Variants in NXPE2 observed in about 807,000 individuals in gnomAD.
NXPE2 encodes the protein NXPE family member 2.
Under a neutral mutation model 34.4 loss-of-function variants are expected in NXPE2, and 34 were observed. The observed-to-expected ratio is 0.99, with a 90% CI of 0.75 to 1.31. NXPE2 has a LOEUF of 1.31. Among genes scored for constraint, NXPE2 ranks in the 40% most tolerant of loss-of-function variants. The pLI, the probability that NXPE2 is intolerant of heterozygous loss-of-function variation, is 0.00. For synonymous variants in NXPE2, 235 were observed against 231.3 expected, an observed-to-expected ratio of 1.02 and a Z score of -0.15; for missense variants, 649 against 672.5, an observed-to-expected ratio of 0.97 and a Z score of 0.39.
At chr11:114,694,729 A>C (rs939836412) in intron 2 of NXPE2, among the ~76,000 whole-genome samples, 3 of 152,062 alleles carry the variant, frequency 2.0e-5, no homozygotes, top group African/African-American at 7.2e-5. Context: ...TCATGAGTTC[A>C]TCAAAGGTGT....
chr11:114,715,662 G>A, the NXPE2 span, among the ~76,000 whole-genome samples: 1 of 152,114 alleles, frequency 6.6e-6, no homozygotes, highest in African/African-American at 2.4e-5. Context: ...CCATTTTTAA[G>A]AAAGCAATTT....
At chr11:114,775,770 G>C in the NXPE2 span, among the ~76,000 whole-genome samples, 6 of 152,106 alleles carry the variant, frequency 3.9e-5, no homozygotes, top group East Asian at 1.9e-4. Context: ...CTTCTGGCCA[G>C]GGCTTTTGCA....
the NXPE2 span, among the ~76,000 whole-genome samples, chr11:114,594,084 T>C: frequency 6.6e-6 from 1 of 152,006 alleles, no homozygotes; most frequent in Non-Finnish European, 1.5e-5. Context: ...AAAATATGAT[T>C]AGACAGAATG....
At chr11:114,716,008 T>C in the NXPE2 span, among the ~76,000 whole-genome samples, 1 of 152,238 alleles carries the variant, frequency 6.6e-6, no homozygotes, top group Non-Finnish European at 1.5e-5. Context: ...GTAATTATAA[T>C]ACATCTCTGT....
At chr11:114,550,999 G>A in the NXPE2 span, 1 of 640,806 alleles carries the variant, frequency 1.6e-6, no homozygotes, top group Non-Finnish European at 2.8e-6. Context: ...CAGTAGTTGA[G>A]GTGGGGGAGG....
chr11:114,758,436 A>C, the NXPE2 span, among the ~76,000 whole-genome samples: 1 of 152,204 alleles, frequency 6.6e-6, no homozygotes, highest in African/African-American at 2.4e-5. Flanking sequence ...TCTCGAGCAA[A>C]AAGCAGGATA....
At chr11:114,472,887 TG>T in the NXPE2 span, among the ~76,000 whole-genome samples, 2 of 151,982 alleles carry the variant, frequency 1.3e-5, no homozygotes, top group Non-Finnish European at 2.9e-5. Flanking sequence ...GAAATGAAGG[TG>T]GGGGGGTTGT....
At chr11:114,782,998 C>T in the NXPE2 span, among the ~76,000 whole-genome samples, 82 of 152,306 alleles carry the variant, frequency 5.4e-4, no homozygotes, top group South Asian at 7.7e-3. Flanking sequence ...TTGTTAAAAA[C>T]GCATAACTCG....
chr11:114,726,197 T>C, the NXPE2 span, among the ~76,000 whole-genome samples: 1 of 151,928 alleles, frequency 6.6e-6, no homozygotes, highest in African/African-American at 2.4e-5. Context: ...TTCTGTTTTC[T>C]GGCCTCCATT....
the NXPE2 span, among the ~76,000 whole-genome samples, chr11:114,792,154 C>G: frequency 6.6e-6 from 1 of 152,142 alleles, no homozygotes; most frequent in African/African-American, 2.4e-5. Flanking sequence ...GTTCCATGGG[C>G]CCCCTCCCCA....
the NXPE2 span, among the ~76,000 whole-genome samples, chr11:114,790,782 G>A: frequency 3.3e-5 from 5 of 152,154 alleles, no homozygotes; most frequent in Admixed American, 3.3e-4. Flanking sequence ...CATTGGGGTT[G>A]ATTTATGAAA....
downstream of NXPE2, among the ~76,000 whole-genome samples, chr11:114,708,801 T>G (rs565109890): frequency 4.3e-4 from 66 of 152,184 alleles, no homozygotes; most frequent in South Asian, 1.0e-3. Context: ...GAAAGTAAAT[T>G]TAATTATTCT....
chr11:114,614,582 C>T, the NXPE2 span, among the ~76,000 whole-genome samples: 2 of 148,700 alleles, frequency 1.3e-5, no homozygotes, highest in East Asian at 2.1e-4. Flanking sequence ...TACTGTTACC[C>T]GGTGGATAGT....
chr11:114,496,519 A>T, the NXPE2 span, among the ~76,000 whole-genome samples: 1 of 152,248 alleles, frequency 6.6e-6, no homozygotes, highest in African/African-American at 2.4e-5. Context: ...TTGTATGGAT[A>T]GTTGTTCAAT....
the NXPE2 span, among the ~76,000 whole-genome samples, chr11:114,590,631 A>G: frequency 6.6e-6 from 1 of 152,198 alleles, no homozygotes; most frequent in East Asian, 1.9e-4. Context: ...TTCAATCTTT[A>G]TGTATCAGAA....
At chr11:114,646,007 T>C in the NXPE2 span, among the ~76,000 whole-genome samples, 1 of 152,138 alleles carries the variant, frequency 6.6e-6, no homozygotes, top group African/African-American at 2.4e-5. Context: ...TGGTTAGTAC[T>C]TCAGAGAAAA....
the NXPE2 span, among the ~76,000 whole-genome samples, chr11:114,632,009 C>A: frequency 6.8e-6 from 1 of 146,050 alleles, no homozygotes; most frequent in Non-Finnish European, 1.5e-5. Context: ...CTACTATTAC[C>A]TAATAGATAA....
At chr11:114,717,129 T>G in the NXPE2 span, among the ~76,000 whole-genome samples, 3 of 152,214 alleles carry the variant, frequency 2.0e-5, no homozygotes, top group African/African-American at 7.2e-5. Context: ...TAGACTGACG[T>G]ACCTGGTTAC....
At chr11:114,731,239 G>C in the NXPE2 span, among the ~76,000 whole-genome samples, 1 of 152,042 alleles carries the variant, frequency 6.6e-6, no homozygotes, top group African/African-American at 2.4e-5. Flanking sequence ...ATGCTGGTGA[G>C]GATGTAAAGA....
Sources: gnomAD v4.1 joint callset for allele counts (sites outside exome capture counted in the v4.1 genomes callset) on GRCh38, gnomAD v4.1.1 for gene constraint, MANE v1.5 for transcripts, NCBI Gene and HGNC (gene_info 2026-07-23, HGNC 2026-07-21) for gene names.